The following C3orf49 variants were observed in gnomAD, a reference collection of about 807,000 sequenced individuals.
The protein encoded by C3orf49 is putative uncharacterized protein C3orf49.
C3orf49 carries 27 observed loss-of-function variants against 13.3 expected under a neutral mutation model. The ratio of observed to expected loss-of-function variants is 2.02; its 90% CI spans 1.49 to 2.79. The LOEUF is 2.79. C3orf49 is among the 30% of genes most tolerant of loss of function. The pLI is 0.00. For synonymous variants in C3orf49, 87 were observed against 47.6 expected (o/e 1.83, Z -3.40); for missense variants, 242 against 134.2 (o/e 1.80, Z -3.97).
chr3:63,819,921 T>G (rs779508261), intron 1 of C3orf49, among the ~76,000 whole-genome samples: 4 of 152,194 alleles, frequency 2.6e-5, no homozygotes, highest in Non-Finnish European at 5.9e-5. Flanking sequence ...TACTATTATT[T>G]TGAAAAGTCA....
Position 63,827,588 on chromosome 3 carries a change from C to G in C3orf49, c.446-13C>G, listed in dbSNP as rs969339520. The G allele has an allele frequency of 5.5e-5, 38 of 695,784 alleles. No homozygotes were observed. The African/African-American group carries it at 6.0e-4, about 11-fold the overall frequency. 43.1% of individuals were successfully genotyped at this position (695,784 alleles called of 1,614,324 possible). On this transcript the variant is annotated splice_polypyrimidine_tract_variant and intron_variant, in intron 2 of 6. Transcript: ENST00000295896. ...GTGATCCTTACAGATTCCTTTTTCC[C>G]CCTTTCTTGAAGCGACTATACAACT... is the stretch of plus-strand genomic sequence containing the variant.
the C3orf49 span, among the ~76,000 whole-genome samples, chr3:63,781,106 G>A: frequency 1.3e-5 from 2 of 150,592 alleles, no homozygotes; most frequent in African/African-American, 4.9e-5. Flanking sequence ...TTTCTTCTAG[G>A]GTTTTTATGG....
the C3orf49 span, chr3:63,782,470 G>A: frequency 2.0e-5 from 3 of 152,132 alleles, no homozygotes; most frequent in Non-Finnish European, 2.9e-5. Flanking sequence ...GTACATTGAT[G>A]AGAAAAATCT....
At chr3:63,843,901 AG>A (rs1405009781) in intron 5 of C3orf49, among the ~76,000 whole-genome samples, 1 of 151,894 alleles carries the variant, frequency 6.6e-6, no homozygotes, top group Non-Finnish European at 1.5e-5. Context: ...ACTCCGTCTC[AG>A]AAAAAAAAAA....
chr3:63,834,106 C>T, intron 5 of C3orf49: 1 of 1,612,412 alleles, frequency 6.2e-7, no homozygotes, highest in South Asian at 1.1e-5. Context: ...TTCAATATTC[C>T]TGGGAGTGGT....
At chr3:63,800,216 G>T in the C3orf49 span, among the ~76,000 whole-genome samples, 2 of 152,116 alleles carry the variant, frequency 1.3e-5, no homozygotes, top group African/African-American at 4.8e-5. Flanking sequence ...GTTATTCTCT[G>T]TCCCAAAGCA....
At chr3:63,782,290 T>C in the C3orf49 span, 1 of 152,188 alleles carries the variant, frequency 6.6e-6, no homozygotes, top group Non-Finnish European at 1.5e-5. Flanking sequence ...TCTTACATCT[T>C]AAAGTGGATG....
At chr3:63,794,163 A>G in the C3orf49 span, among the ~76,000 whole-genome samples, 1 of 147,588 alleles carries the variant, frequency 6.8e-6, no homozygotes, top group Non-Finnish European at 1.5e-5. Flanking sequence ...TCAAATACCT[A>G]CACACACATA....
rs768620827 is a variant in C3orf49, at chr3:63,831,707, G to A, written c.712G>A (p.Asp238Asn). ...QVDDLIETVT[D>N]KSMKLLAQRH... The stretch of plus-strand genomic sequence containing the variant: ...GGATGACCTCATAGAAACAGTGACT[G>A]ATAAATCCATGAAGCTACTGGCCCA... The change falls in exon 5 of 7, where the codon GAT becomes AAT. Residue 238 changes from aspartate to asparagine, a missense_variant. Asp to Asn is a conservative substitution (Grantham distance 23). Transcript: ENST00000295896. 1.4e-6 allele frequency: 1 copy of A among 703,018 alleles called. No homozygotes were observed. Among genetic ancestry groups the A allele is most frequent in the Non-Finnish European group, 2.6e-6 (1 of 385,026 alleles). 43.5% of individuals were successfully genotyped at this position (703,018 alleles called of 1,614,324 possible). A position where few individuals can be genotyped will look rare whatever the true frequency, so the allele number is the denominator to read the frequency against.
chr3:63,813,106 CCTT>C, the C3orf49 span, among the ~76,000 whole-genome samples: 1 of 152,342 alleles, frequency 6.6e-6, no homozygotes, highest in Admixed American at 6.5e-5. Context: ...CCCACACCAA[CCTT>C]CTTCTTTTAA....
At chr3:63,783,142 C>T in the C3orf49 span, 1 of 152,208 alleles carries the variant, frequency 6.6e-6, no homozygotes, top group African/African-American at 2.4e-5. Flanking sequence ...CACTGTAAGT[C>T]TCCCATCCCA....
At chr3:63,848,284 C>G (rs1701945503) in intron 6 of C3orf49, 80 bp from the exon 7 acceptor site, 1 of 152,080 alleles carries the variant, frequency 6.6e-6, no homozygotes, top group Non-Finnish European at 1.5e-5. Context: ...AGCCTGCTAG[C>G]TGGAGGTTTC....
Position 63,831,704 on chromosome 3 carries a change from A to G in C3orf49, c.709A>G (p.Thr237Ala), listed in dbSNP as rs1331801929. ...MQVDDLIETV[T>A]DKSMKLLAQR... ...GGTGGATGACCTCATAGAAACAGTG[A>G]CTGATAAATCCATGAAGCTACTGGC... The change falls in exon 5 of 7, where the codon ACT becomes GCT. Residue 237 changes from threonine to alanine, a missense_variant. Coordinates refer to ENST00000295896, the MANE Select transcript of C3orf49 (RefSeq NM_001355236.2). The G allele has an allele frequency of 7.1e-6, 5 of 703,040 alleles. No individual in the cohort carries two copies. The highest frequency in any genetic ancestry group is 1.3e-5 in the Non-Finnish European group (5 of 385,050). 43.6% of individuals were successfully genotyped at this position (703,040 alleles called of 1,614,324 possible).
At chr3:63,839,733 AC>A in intron 5 of C3orf49, 1 of 1,613,296 alleles carries the variant, frequency 6.2e-7, no homozygotes, top group Non-Finnish European at 8.5e-7. Context: ...CATCTCCAGC[AC>A]CATCTCCATC....
intron 5 of C3orf49, among the ~76,000 whole-genome samples, chr3:63,843,627 G>A (rs1490759479): frequency 1.3e-5 from 2 of 152,118 alleles, no homozygotes; most frequent in African/African-American, 4.8e-5. Context: ...TGGGCTGGGC[G>A]TGGTGGCTCA....
chr3:63,848,144 G>A (rs1026853471), intron 6 of C3orf49, among the ~76,000 whole-genome samples: 1 of 152,190 alleles, frequency 6.6e-6, no homozygotes, highest in Non-Finnish European at 1.5e-5. Context: ...GCCCTGCAAA[G>A]TTGTCTCATA....
the C3orf49 span, chr3:63,783,218 C>T: frequency 3.3e-5 from 5 of 152,148 alleles, no homozygotes; most frequent in African/African-American, 1.2e-4. Flanking sequence ...AAAAAATATA[C>T]TTGAAATGTA....
the C3orf49 span, among the ~76,000 whole-genome samples, chr3:63,810,094 C>T: frequency 2.7e-5 from 4 of 150,612 alleles, no homozygotes; most frequent in East Asian, 2.0e-4. Flanking sequence ...TGCAGTGAGC[C>T]GAGATCACAC....
At chr3:63,816,544 T>A (rs919666020), upstream of C3orf49, among the ~76,000 whole-genome samples, 2 of 151,006 alleles carry the variant, frequency 1.3e-5, no homozygotes, top group African/African-American at 2.4e-5. Context: ...GTGGTGCCAC[T>A]GCACTCCAGC....
Sources: allele counts gnomAD v4.1 joint callset (sites outside exome capture counted in the v4.1 genomes callset), GRCh38; gene constraint gnomAD v4.1.1; transcripts MANE v1.5; gene names NCBI Gene and HGNC (gene_info 2026-07-23, HGNC 2026-07-21).